Variants in LMBR1 observed in about 807,000 individuals in gnomAD.
LMBR1 encodes the protein limb region 1 protein homolog.
Under a neutral mutation model 73.9 loss-of-function variants are expected in LMBR1, and 52 were observed. That is an observed-to-expected ratio of 0.70 (90% CI 0.56 to 0.89). The LOEUF (loss-of-function observed/expected upper bound fraction) is 0.89, where lower values mean the gene tolerates loss of function less well. LMBR1 is among the 40% of genes least tolerant of loss of function. LMBR1 has a pLI of 0.00. For synonymous variants in LMBR1, 215 were observed against 209.4 expected, an observed-to-expected ratio of 1.03 and a Z score of -0.23; for missense variants, 539 against 579.8, an observed-to-expected ratio of 0.93 and a Z score of 0.72.
intron 15 of LMBR1, among the ~76,000 whole-genome samples, chr7:156,721,419 T>G (rs1251102769): frequency 6.6e-6 from 1 of 152,096 alleles, no homozygotes; most frequent in Admixed American, 6.6e-5. Context: ...ACATTCAAAA[T>G]ATTTTATTGC....
chr7:156,834,067 A>G (rs1309293009), intron 2 of LMBR1, among the ~76,000 whole-genome samples: 2 of 152,216 alleles, frequency 1.3e-5, no homozygotes, highest in African/African-American at 4.8e-5. Flanking sequence ...AATAAAACTT[A>G]GTACAACCTT....
chr7:156,805,936 A>G (rs1190851516), intron 4 of LMBR1, among the ~76,000 whole-genome samples: 4 of 152,162 alleles, frequency 2.6e-5, no homozygotes, highest in African/African-American at 7.2e-5. Flanking sequence ...CAGCCATGGA[A>G]GGATGCGAGG....
chr7:156,759,776 C>T (rs1822622071), intron 8 of LMBR1, among the ~76,000 whole-genome samples: 1 of 151,042 alleles, frequency 6.6e-6, no homozygotes, highest in Non-Finnish European at 1.5e-5. Flanking sequence ...AAGGGTGCGA[C>T]TGGCAAATGG....
chr7:156,815,156 CA>C (rs10674367), intron 4 of LMBR1, among the ~76,000 whole-genome samples: 98 of 84,326 alleles, frequency 1.2e-3, no homozygotes, highest in Middle Eastern at 8.6e-3. Flanking sequence ...AACTCCGTCT[CA>C]AAAAAAAAAA....
intron 15 of LMBR1, among the ~76,000 whole-genome samples, chr7:156,712,791 T>C (rs1452341731): frequency 6.6e-6 from 1 of 152,212 alleles, no homozygotes; most frequent in African/African-American, 2.4e-5. Context: ...CAATTATAGA[T>C]GGGAGCCAAA....
chr7:156,753,838 C>T (rs780178712), intron 9 of LMBR1, among the ~76,000 whole-genome samples: 1 of 152,058 alleles, frequency 6.6e-6, no homozygotes, highest in Non-Finnish European at 1.5e-5. Context: ...ATGAGGGAGG[C>T]GCTGTCTTAG....
chr7:156,813,858 GA>G (rs1444005132), intron 4 of LMBR1, among the ~76,000 whole-genome samples: 6 of 151,632 alleles, frequency 4.0e-5, no homozygotes, highest in African/African-American at 1.5e-4. Context: ...ACCATCTCTT[GA>G]AGAAAAAAAG....
Position 156,705,310 on chromosome 7 carries a change from C to T in LMBR1, c.1226-17119G>A, listed in dbSNP as rs192108931. On this transcript the variant is annotated intron_variant, in intron 15 of 16. Coordinates refer to ENST00000353442, the MANE Select transcript of LMBR1 (RefSeq NM_022458.4). Reference sequence around the variant, plus strand: ...TAGTGGCTTACACCTGTAATCCCAGCACTTTGGGACGTCAAGGTGGGTGGA... The same window carrying T: ...TAGTGGCTTACACCTGTAATCCCAGTACTTTGGGACGTCAAGGTGGGTGGA... Among the ~76,000 whole-genome samples, 190 of 152,290 alleles carry T rather than the reference C, an allele frequency of 1.2e-3. 1 individual carries two copies. Among genetic ancestry groups the T allele is most frequent in the African/African-American group, 4.4e-3 (184 of 41,574 alleles).
intron 15 of LMBR1, among the ~76,000 whole-genome samples, chr7:156,695,349 T>TA: frequency 6.6e-6 from 1 of 152,198 alleles, no homozygotes. Flanking sequence ...CACACTGCTA[T>TA]AAAGAAATAC....
intron 5 of LMBR1, among the ~76,000 whole-genome samples, chr7:156,773,332 TA>T (rs760002295): frequency 2.0e-5 from 3 of 151,484 alleles, no homozygotes; most frequent in African/African-American, 4.9e-5. Context: ...TTCACAGAAT[TA>T]AAAAAAACTA....
intron 1 of LMBR1, among the ~76,000 whole-genome samples, chr7:156,872,993 G>A (rs986356473): frequency 2.0e-5 from 3 of 152,168 alleles, no homozygotes; most frequent in Admixed American, 6.6e-5. Context: ...GGACCCTCAC[G>A]GTGAGTGTTA....
At chr7:156,719,891 T>C (rs1347638555) in intron 15 of LMBR1, among the ~76,000 whole-genome samples, 2 of 151,854 alleles carry the variant, frequency 1.3e-5, no homozygotes. Context: ...CTGGGAAAAC[T>C]GGCTAGCCAT....
intron 3 of LMBR1, among the ~76,000 whole-genome samples, chr7:156,827,500 G>A (rs1232982298): frequency 6.6e-6 from 1 of 152,128 alleles, no homozygotes; most frequent in Non-Finnish European, 1.5e-5. Flanking sequence ...CCATAGGAAA[G>A]AGGGATTATA....
intron 15 of LMBR1, among the ~76,000 whole-genome samples, chr7:156,703,134 C>T (rs531431449): frequency 6.6e-6 from 1 of 152,336 alleles, no homozygotes; most frequent in South Asian, 2.1e-4. Context: ...TGAGAAGAAA[C>T]TGCTCCAGGG....
intron 13 of LMBR1, 74 bp from the exon 14 acceptor site, chr7:156,725,599 T>A (rs879943122): frequency 5.5e-6 from 7 of 1,276,470 alleles, no homozygotes; most frequent in Non-Finnish European, 7.7e-6. Context: ...CCAAAAAGTC[T>A]TAAGGCCCAT....
At chr7:156,792,702 CTAAG>C (rs1829429384) in intron 5 of LMBR1, among the ~76,000 whole-genome samples, 1 of 152,218 alleles carries the variant, frequency 6.6e-6, no homozygotes, top group Non-Finnish European at 1.5e-5. Context: ...TAATTAAAAA[CTAAG>C]TAGAGAATTC....
In LMBR1 at chr7:156,687,888, T is replaced by C. The variant is rs1806306669; in HGVS notation, c.1387+142A>G. 5.8e-6 allele frequency: 4 copies of C among 691,832 alleles called. No individual in the cohort carries two copies. The South Asian group carries it at 7.0e-5, about 12-fold the overall frequency. The allele number at this position is 691,832 out of a possible 1,614,324, so 42.9% of individuals were successfully genotyped here. On this transcript the variant is annotated intron_variant, in intron 16 of 16. Transcript: ENST00000353442. ...GAAGCTAAGGCTTAATGAAGGAATT[T>C]TGCACAAAGTAGGGGATCAATAATT... is the stretch of plus-strand genomic sequence containing the variant.
chr7:156,746,773 G>A (rs983392919), intron 9 of LMBR1, among the ~76,000 whole-genome samples: 3 of 152,084 alleles, frequency 2.0e-5, no homozygotes, highest in Non-Finnish European at 4.4e-5. Context: ...TGACCAGAAG[G>A]AAACAATGAC....
At chr7:156,741,661 T>A (rs556421113) in intron 9 of LMBR1, among the ~76,000 whole-genome samples, 1 of 152,192 alleles carries the variant, frequency 6.6e-6, no homozygotes, top group African/African-American at 2.4e-5. Flanking sequence ...GCAAATATTA[T>A]TAAAGCTAAA....
Sources: allele counts gnomAD v4.1 joint callset (sites outside exome capture counted in the v4.1 genomes callset), GRCh38; gene constraint gnomAD v4.1.1; transcripts MANE v1.5; gene names NCBI Gene and HGNC (gene_info 2026-07-23, HGNC 2026-07-21).